ZNF185: variants seen among roughly 807,000 people sequenced by gnomAD.
ZNF185 encodes the protein zinc finger protein 185.
A neutral mutation model predicts 58.6 loss-of-function variants in ZNF185; 56 were observed. That is an observed-to-expected ratio of 0.95 (90% CI 0.77 to 1.19). The LOEUF is 1.19. Ranked by LOEUF, ZNF185 falls within the 50% of genes most tolerant of loss-of-function variation. The pLI is 0.00. For synonymous variants in ZNF185, 230 were observed against 215.9 expected, an observed-to-expected ratio of 1.07 and a Z score of -0.57; for missense variants, 627 against 573.5, an observed-to-expected ratio of 1.09 and a Z score of -0.95.
chrX:152,936,919 C>T (rs2125590302), intron 14 of ZNF185, among the ~76,000 whole-genome samples: 1 of 110,812 alleles, frequency 9.0e-6, no homozygotes, highest in South Asian at 3.8e-4. Flanking sequence ...GCTCAGTTCC[C>T]AGGAGCACAG....
chrX:152,902,477 C>T, the ZNF185 span, among the ~76,000 whole-genome samples: 1 of 113,014 alleles, frequency 8.8e-6, no homozygotes, highest in Non-Finnish European at 1.9e-5. Context: ...TCAGGCAGTG[C>T]CTGCTTTAAA....
intron 18 of ZNF185, among the ~76,000 whole-genome samples, 181 bp downstream of exon 20, chrX:152,964,130 C>T (rs919950014): frequency 2.7e-5 from 3 of 112,521 alleles, no homozygotes; most frequent in South Asian, 3.6e-4. Context: ...TCCCATCTAC[C>T]GGGCCTAGAC....
intron 20 of ZNF185, among the ~76,000 whole-genome samples, chrX:152,968,591 G>T (rs868943479): frequency 1.8e-5 from 2 of 112,835 alleles, no homozygotes; most frequent in Non-Finnish European, 3.8e-5. Flanking sequence ...CCCTGGGCCA[G>T]CAGCAGGATG....
chrX:152,952,578 A>G (rs2048394698), intron 16 of ZNF185, among the ~76,000 whole-genome samples: 1 of 111,512 alleles, frequency 9.0e-6, no homozygotes, highest in African/African-American at 3.3e-5. Flanking sequence ...TCTACTGGCT[A>G]TAGGCAGTTG....
At chrX:152,968,593 A>G (rs1378860912) in intron 20 of ZNF185, among the ~76,000 whole-genome samples, 2 of 112,865 alleles carry the variant, frequency 1.8e-5, no homozygotes, top group African/African-American at 6.4e-5. Flanking sequence ...CTGGGCCAGC[A>G]GCAGGATGGT....
exon 12 of ZNF185, chrX:152,928,623 A>G (rs782189179): frequency 8.3e-7 from 1 of 1,211,929 alleles, no homozygotes; most frequent in South Asian, 1.8e-5. Context: ...CACCCAGGGC[A>G]GGACTCCGCC....
chrX:152,909,155 C>T, the ZNF185 span, among the ~76,000 whole-genome samples: 3 of 112,560 alleles, frequency 2.7e-5, no homozygotes, highest in South Asian at 1.1e-3. Flanking sequence ...TAATGACTGC[C>T]CCGGAGAGCG....
At chrX:152,932,750 G>A (rs1224498315) in intron 13 of ZNF185, 123 bp from the exon 15 acceptor site, 3 of 510,362 alleles carry the variant, frequency 5.9e-6, no homozygotes, top group Non-Finnish European at 1.0e-5. Flanking sequence ...GCTCTGGTCA[G>A]AGCAGCACAG....
exon 23 of ZNF185, chrX:152,973,305 A>G (rs782116363): frequency 2.0e-4 from 23 of 112,290 alleles, no homozygotes; most frequent in South Asian, 7.3e-4. Context: ...AAGAGCCATT[A>G]TTGACTTAGA....
At chrX:152,941,056 T>G (rs1205472007) in intron 15 of ZNF185, among the ~76,000 whole-genome samples, 2 of 112,515 alleles carry the variant, frequency 1.8e-5, no homozygotes, top group African/African-American at 6.5e-5. Flanking sequence ...GCTGGGGAGC[T>G]TAGAATTTTA....
intron 15 of ZNF185, 91 bp downstream of exon 17, chrX:152,938,254 C>A: frequency 1.1e-6 from 1 of 932,598 alleles, no homozygotes. Flanking sequence ...GAAGGTGAGG[C>A]CAGCAAGGTT....
intron 16 of ZNF185, among the ~76,000 whole-genome samples, chrX:152,949,515 C>A (rs185890645): frequency 1.8e-5 from 2 of 112,118 alleles, no homozygotes; most frequent in Admixed American, 9.4e-5. Flanking sequence ...CAGGAAGGGT[C>A]AACTATGTCA....
At chrX:152,957,044 TATC>T (rs1406320554) in intron 16 of ZNF185, among the ~76,000 whole-genome samples, 8 of 109,054 alleles carry the variant, frequency 7.3e-5, no homozygotes, top group African/African-American at 2.7e-4. Context: ...AATTTAGTAT[TATC>T]ATACATAAAA....
chrX:152,908,568 C>T, the ZNF185 span, among the ~76,000 whole-genome samples: 1 of 112,386 alleles, frequency 8.9e-6, no homozygotes, highest in Admixed American at 9.3e-5. Context: ...TCTGTGGCTG[C>T]ATCAGGCCGA....
chrX:152,917,496 C>A lies in ZNF185; in HGVS notation c.341+134C>A, dbSNP rs1026646803. 2.1e-5 allele frequency: 17 copies of A among 799,333 alleles called. No homozygotes were observed. The African/African-American group carries it at 2.7e-4, about 13-fold the overall frequency. 65.9% of individuals were successfully genotyped at this position (799,333 alleles called of 1,213,427 possible). On this transcript the variant is annotated intron_variant, in intron 5 of 22. Coordinates refer to ENST00000449285, the Ensembl canonical transcript of ZNF185. ...GTGCCAGCTTTCATCCTGGGTAGGG[C>A]AGGACCCTGGAGAGCAGGGTGGGGT...
rs1294424944 is a variant in ZNF185 at position 152,938,017 on chromosome X, C to G, written c.1122-57C>G. 4 of 1,114,369 alleles carry G rather than the reference C, an allele frequency of 3.6e-6. No individual in the cohort carries two copies. The African/African-American group carries it at 7.3e-5, about 20-fold the overall frequency. The allele number at this position is 1,114,369 out of a possible 1,213,427, so 91.8% of individuals were successfully genotyped here. A position where few individuals can be genotyped will look rare whatever the true frequency, so the allele number is the denominator to read the frequency against. On this transcript the variant is annotated intron_variant, in intron 14 of 22. Coordinates refer to ENST00000449285, the Ensembl canonical transcript of ZNF185. The stretch of plus-strand genomic sequence containing the variant: ...AGAAGGCAGCCTGGAGGGGGAAGAC[C>G]TGGGCCCCAGCCTTCTTTGGTCTGA...
intron 14 of ZNF185, among the ~76,000 whole-genome samples, 151 bp downstream of exon 16, chrX:152,936,664 C>A (rs1229730093): frequency 9.0e-6 from 1 of 111,057 alleles, no homozygotes; most frequent in African/African-American, 3.3e-5. Context: ...ACAGGGAACT[C>A]CAGGGGGAGC....
At chrX:152,910,131 C>T (rs1936950068), upstream of ZNF185, among the ~76,000 whole-genome samples, 1 of 110,877 alleles carries the variant, frequency 9.0e-6, no homozygotes, top group Non-Finnish European at 1.9e-5. Context: ...TGGTCTTGAA[C>T]TCCTGACCTC....
At chrX:152,962,925 G>A (rs782406839) in intron 17 of ZNF185, among the ~76,000 whole-genome samples, 121 of 113,094 alleles carry the variant, frequency 1.1e-3, no homozygotes, top group Admixed American at 2.3e-3. Flanking sequence ...TGGATTCTCT[G>A]GCAAGGGGAC....
Sources: allele counts gnomAD v4.1 joint callset (sites outside exome capture counted in the v4.1 genomes callset), GRCh38; gene constraint gnomAD v4.1.1; transcripts MANE v1.5; gene names NCBI Gene and HGNC (gene_info 2026-07-23, HGNC 2026-07-21).